The following BDKRB1 variants were observed in gnomAD, a reference collection of about 807,000 sequenced individuals.
BDKRB1 encodes B1 bradykinin receptor.
For synonymous variants in BDKRB1, 192 were observed against 189.1 expected (o/e 1.02, Z -0.13); for missense variants, 414 against 441.4 (o/e 0.94, Z 0.56).
At chr14:96,263,546 A>G in intron 2 of BDKRB1, 127 bp from the exon 3 acceptor site, 1 of 1,018,028 alleles carries the variant, frequency 9.8e-7, no homozygotes, top group Non-Finnish European at 1.4e-6. Context: ...TGTAGATAAT[A>G]CGTCCAGGAA....
At position 96,262,606 on chromosome 14, in the gene BDKRB1, C is replaced by CTTTTTTTTTTTTTTTTTT. The variant is rs34474132; in HGVS notation, c.-129-43_-129-26dup. 1.5e-3 allele frequency: 466 copies of CTTTTTTTTTTTTTTTTTT among 310,986 alleles called. 4 individuals are homozygous for CTTTTTTTTTTTTTTTTTT. Among genetic ancestry groups the CTTTTTTTTTTTTTTTTTT allele is most frequent in the South Asian group, 2.1e-3 (97 of 47,296 alleles). 19.3% of individuals were successfully genotyped at this position (310,986 alleles called of 1,614,324 possible). On this transcript the variant is annotated intron_variant, in intron 1 of 2. Transcript: ENST00000216629. ...TTTTTCTTTTCTCTCTCTCTCTCTCCTTTTTTTTTTTTTTTTTTTTGTTGT... is the reference window on the plus strand; with the variant it reads ...TTTTTCTTTTCTCTCTCTCTCTCTCCTTTTTTTTTTTTTTTTTTTTTTTTTTTTTTTTTTTTTTGTTGT...
At position 96,263,819 on chromosome 14, in the gene BDKRB1, C is replaced by T. The variant is rs755158731; in HGVS notation, c.137C>T (p.Ser46Phe). Residue 46 changes from serine to phenylalanine, a missense_variant, in exon 3 of 3, where the codon TCC becomes TTC. Transcript: ENST00000216629. ...AGAGTGCTGCCAACATTTATCATCTCCATCTGTTTCTTCGGCCTCCTAGGG... is the reference window on the plus strand; with the variant it reads ...AGAGTGCTGCCAACATTTATCATCTTCATCTGTTTCTTCGGCCTCCTAGGG... ...LHRVLPTFII[S>F]ICFFGLLGNL... The T allele has an allele frequency of 6.2e-7, 1 of 1,614,182 alleles. No individual in the cohort carries two copies. The highest frequency in any genetic ancestry group is 2.2e-5 in the East Asian group (1 of 44,884).
At position 96,264,615 on chromosome 14, in the gene BDKRB1, T is replaced by A. The variant is rs112973857; in HGVS notation, c.933T>A (p.Ile311=). The change falls in exon 3 of 3, where the codon ATT becomes ATA. Residue 311 remains isoleucine, a synonymous_variant. Transcript: ENST00000216629. ...AFTNSSLNPV[I]YVFVGRLFRT... is the part of the protein sequence containing the mutation. ...CTAACAGCTCCCTGAATCCAGTAAT[T>A]TATGTCTTTGTGGGCCGGCTCTTCA... 2.5e-6 allele frequency: 4 copies of A among 1,614,160 alleles called. No homozygotes were observed. The highest frequency in any genetic ancestry group is 3.4e-6 in the Non-Finnish European group (4 of 1,180,026).
At chr14:96,259,047 G>A (rs918067222) in intron 1 of BDKRB1, among the ~76,000 whole-genome samples, 4 of 152,012 alleles carry the variant, frequency 2.6e-5, no homozygotes, top group African/African-American at 7.2e-5. Context: ...ATTAACTCTT[G>A]TACAGCATTT....
chr14:96,260,330 T>C (rs753464132), intron 1 of BDKRB1, among the ~76,000 whole-genome samples: 7 of 152,160 alleles, frequency 4.6e-5, no homozygotes, highest in Admixed American at 2.6e-4. Context: ...CCTGGTGCAA[T>C]GTTCTTAAAA....
Position 96,264,421 on chromosome 14 carries a change from A to G in BDKRB1, c.739A>G (p.Lys247Glu). The G allele has an allele frequency of 6.2e-7, 1 of 1,614,224 alleles. No homozygotes were observed. The highest frequency in any genetic ancestry group is 1.3e-5 in the African/African-American group (1 of 75,058). ...RTRCGGRKDS[K>E]TTALILTLVV... ...AAGGTGCGGGGGCCGCAAGGATAGC[A>G]AGACCACAGCGCTGATCCTCACGCT... is the stretch of plus-strand genomic sequence containing the variant. The change falls in exon 3 of 3, where the codon AAG becomes GAG. Residue 247 changes from lysine (K) to glutamate (E), a missense_variant. Coordinates refer to ENST00000216629, the MANE Select transcript of BDKRB1 (RefSeq NM_000710.4).
chr14:96,260,039 T>TG (rs1382950888), intron 1 of BDKRB1: 1 of 152,056 alleles, frequency 6.6e-6, no homozygotes, highest in East Asian at 1.9e-4. Flanking sequence ...TTTTTTTTTT[T>TG]TTTGAGACAG....
At chr14:96,257,306 C>A (rs533324624) in intron 1 of BDKRB1, among the ~76,000 whole-genome samples, 4 of 152,198 alleles carry the variant, frequency 2.6e-5, no homozygotes, top group Admixed American at 1.3e-4. Flanking sequence ...GCCTCACCCC[C>A]GTGCTGGTTT....
At chr14:96,261,425 A>G (rs1885745973) in intron 1 of BDKRB1, among the ~76,000 whole-genome samples, 4 of 152,254 alleles carry the variant, frequency 2.6e-5, no homozygotes, top group South Asian at 4.1e-4. Context: ...CCCGGTGTGA[A>G]TAACTCCATG....
intron 1 of BDKRB1, among the ~76,000 whole-genome samples, chr14:96,257,206 T>C (rs1295144277): frequency 6.6e-6 from 1 of 152,198 alleles, no homozygotes; most frequent in African/African-American, 2.4e-5. Context: ...CTCCCCGTCC[T>C]GGGGATGGGG....
chr14:96,257,711 A>G (rs898556835), intron 1 of BDKRB1, among the ~76,000 whole-genome samples: 1 of 152,194 alleles, frequency 6.6e-6, no homozygotes, highest in African/African-American at 2.4e-5. Flanking sequence ...CTCTGTCACC[A>G]TAGACCTCAG....
At chr14:96,258,195 G>A (rs780896921) in intron 1 of BDKRB1, among the ~76,000 whole-genome samples, 1 of 152,072 alleles carries the variant, frequency 6.6e-6, no homozygotes, top group African/African-American at 2.4e-5. Flanking sequence ...AATAAGATAA[G>A]CAAAATAATT....
intron 1 of BDKRB1, among the ~76,000 whole-genome samples, chr14:96,257,866 G>A (rs1269650989): frequency 1.3e-5 from 2 of 150,890 alleles, no homozygotes; most frequent in Non-Finnish European, 2.9e-5. Context: ...AAGGAAGGAA[G>A]GAAAGAAGGA....
chr14:96,259,711 T>G (rs552410107), intron 1 of BDKRB1: 1 of 152,372 alleles, frequency 6.6e-6, no homozygotes, highest in Non-Finnish European at 1.5e-5. Context: ...CCCAAAGCCC[T>G]GCTTGGCTTC....
chr14:96,261,797 C>T (rs1003185329), intron 1 of BDKRB1, among the ~76,000 whole-genome samples: 1 of 152,236 alleles, frequency 6.6e-6, no homozygotes, highest in Non-Finnish European at 1.5e-5. Context: ...ATAAATCCCG[C>T]AGTGTAGGCA....
At chr14:96,263,260 G>A (rs1216604943) in intron 2 of BDKRB1, among the ~76,000 whole-genome samples, 1 of 152,128 alleles carries the variant, frequency 6.6e-6, no homozygotes, top group South Asian at 2.1e-4. Flanking sequence ...TGCAAGGCAC[G>A]GAGCTAAGCA....
Position 96,264,367 on chromosome 14 carries a change from C to G in BDKRB1, c.685C>G (p.Leu229Val). 3 of 1,614,218 alleles carry G rather than the reference C, an allele frequency of 1.9e-6. No homozygotes were observed. The highest frequency in any genetic ancestry group is 2.5e-6 in the Non-Finnish European group (3 of 1,180,036). The change falls in exon 3 of 3, where the codon CTG becomes GTG. Residue 229 changes from leucine (L) to valine (V), a missense_variant. Transcript: ENST00000216629. ...CTTCAACTACCACATCCTGGCCTCC[C>G]TGCGAACGCGGGAGGAGGTCAGCAG... The part of the protein sequence containing the change: ...VFFNYHILAS[L>V]RTREEVSRTR...
chr14:96,258,730 A>G (rs1885674650), intron 1 of BDKRB1, among the ~76,000 whole-genome samples: 1 of 152,136 alleles, frequency 6.6e-6, no homozygotes, highest in South Asian at 2.1e-4. Flanking sequence ...CATGTTGGCC[A>G]GGTTGGTCTT....
intron 1 of BDKRB1, among the ~76,000 whole-genome samples, chr14:96,258,952 A>T (rs1885680872): frequency 6.6e-6 from 1 of 151,734 alleles, no homozygotes. Flanking sequence ...ATTTCATCTC[A>T]TTTCATACAG....
Sources: allele counts gnomAD v4.1 joint callset (sites outside exome capture counted in the v4.1 genomes callset), GRCh38; gene constraint gnomAD v4.1.1; transcripts MANE v1.5; gene names NCBI Gene and HGNC (gene_info 2026-07-23, HGNC 2026-07-21).